The following FRMD4A variants were observed in gnomAD, a reference collection of about 807,000 sequenced individuals.
FRMD4A encodes FERM domain-containing protein 4A.
In FRMD4A, 29 loss-of-function variants were observed where a neutral mutation model predicts 129.1. That is an observed-to-expected ratio of 0.22 (90% CI 0.17 to 0.31). The LOEUF is 0.31. Ranked by LOEUF, FRMD4A falls within the 10% of genes least tolerant of loss-of-function variation. The pLI, the probability that FRMD4A is intolerant of heterozygous loss-of-function variation, is 1.00. For missense variants in FRMD4A, 1,272 were observed against 1,375.8 expected, an observed-to-expected ratio of 0.92 and a Z score of 1.19; for synonymous variants, 634 against 571.6, an observed-to-expected ratio of 1.11 and a Z score of -1.56.
Position 14,077,175 on chromosome 10 carries a change from G to T in FRMD4A, c.46-218263C>A, listed in dbSNP as rs190708478. Among the ~76,000 whole-genome samples the T allele has an allele frequency of 3.5e-4, 53 of 152,268 alleles. No individual in the cohort carries two copies. In the East Asian group the frequency reaches 9.6e-3, roughly 28 times the overall value. On this transcript the variant is annotated intron_variant, in intron 2 of 24. Transcript: ENST00000357447. ...GACAGCACCTGGGTAGGCACTGCAA[G>T]GGACTAAAGATGCTACTTGCAACCA...
intron 2 of FRMD4A, among the ~76,000 whole-genome samples, chr10:14,189,402 G>A (rs1245579143): frequency 6.6e-6 from 1 of 151,978 alleles, no homozygotes; most frequent in Non-Finnish European, 1.5e-5. Flanking sequence ...GATGAAACCT[G>A]GTCTCTACTA....
intron 2 of FRMD4A, among the ~76,000 whole-genome samples, chr10:14,071,607 A>G (rs1835323059): frequency 6.6e-6 from 1 of 152,164 alleles, no homozygotes; most frequent in East Asian, 1.9e-4. Context: ...GGAGATAAAG[A>G]GGTGGAGATG....
In FRMD4A at chr10:13,657,565, G is replaced by A. The variant is rs537201829; in HGVS notation, c.2067-43C>T. The A allele has an allele frequency of 4.1e-6, 6 of 1,479,504 alleles. No homozygotes were observed. In the African/African-American group the frequency reaches 8.3e-5, roughly 20 times the overall value. The allele number at this position is 1,479,504 out of a possible 1,614,324, so 91.6% of individuals were successfully genotyped here. ...GGGTTGGTCTGGGGGTGGGGAGTGG[G>A]CCCAAGGAGGGGTGCTCCGGGGAGG... On this transcript the variant is annotated intron_variant, in intron 21 of 24. Transcript: ENST00000357447.
At chr10:13,672,157 C>A (rs557269373) in intron 16 of FRMD4A, among the ~76,000 whole-genome samples, 1 of 152,330 alleles carries the variant, frequency 6.6e-6, no homozygotes, top group East Asian at 1.9e-4. Context: ...CTCCGTCACT[C>A]GCCTGCTTCT....
At chr10:14,292,456 C>T (rs902932237) in intron 2 of FRMD4A, among the ~76,000 whole-genome samples, 2 of 152,184 alleles carry the variant, frequency 1.3e-5, no homozygotes, top group African/African-American at 4.8e-5. Flanking sequence ...ATGGCATATC[C>T]TCCTCACATG....
At position 14,075,541 on chromosome 10, in the gene FRMD4A, A is replaced by G. The variant is rs563625003; in HGVS notation, c.46-216629T>C. 1.2e-3 allele frequency among the ~76,000 whole-genome samples: 182 copies of G among 152,332 alleles called. No homozygotes were observed. The South Asian group carries it at 0.015, about 12-fold the overall frequency. ...ACATATCATGTTGCTTCTCAAAACC[A>G]ACAGTGAAAAAGTATTCTTTAGCCT... On this transcript the variant is annotated intron_variant, in intron 2 of 24. Transcript: ENST00000357447.
intron 2 of FRMD4A, among the ~76,000 whole-genome samples, chr10:13,903,747 G>C (rs751914590): frequency 4.6e-5 from 7 of 152,026 alleles, no homozygotes; most frequent in Non-Finnish European, 7.4e-5. Flanking sequence ...GGGCGTGGTG[G>C]TGACATGTGC....
intron 23 of FRMD4A, chr10:13,652,231 TTATGCCAAGAACCAAAA>T: frequency 1.9e-6 from 1 of 528,276 alleles, no homozygotes; most frequent in South Asian, 2.4e-5. Context: ...AGCAAACAGT[TTATGCCAAGAACCAAAA>T]TTGCTGTTTT....
intron 4 of FRMD4A, among the ~76,000 whole-genome samples, chr10:13,801,751 A>G (rs972058214): frequency 6.6e-6 from 1 of 152,136 alleles, no homozygotes; most frequent in Non-Finnish European, 1.5e-5. Context: ...CACTTCCTGT[A>G]CTCTACAGGG....
chr10:13,890,950 A>G (rs2094688399), intron 2 of FRMD4A: 5 of 737,220 alleles, frequency 6.8e-6, no homozygotes, highest in African/African-American at 5.7e-5. Flanking sequence ...AAAGGCACCA[A>G]GTCGCTCGTT....
intron 2 of FRMD4A, among the ~76,000 whole-genome samples, chr10:14,197,066 C>G (rs1409751): frequency 0.25 from 37,571 of 152,000 alleles, 4,889 homozygotes; most frequent in Admixed American, 0.3. Context: ...AGAAACATCC[C>G]GATGGATATT....
intron 2 of FRMD4A, among the ~76,000 whole-genome samples, chr10:14,282,521 T>C (rs1845555133): frequency 6.6e-6 from 1 of 152,060 alleles, no homozygotes; most frequent in African/African-American, 2.4e-5. Context: ...GTAGGAGGGA[T>C]GGGGAAACTA....
At chr10:14,195,484 C>T (rs1011403844) in intron 2 of FRMD4A, among the ~76,000 whole-genome samples, 2 of 151,798 alleles carry the variant, frequency 1.3e-5, no homozygotes, top group African/African-American at 4.8e-5. Context: ...ACTCGGGCTG[C>T]AGTTAGAGAC....
At chr10:14,241,771 A>T (rs1447382163) in intron 2 of FRMD4A, among the ~76,000 whole-genome samples, 2 of 151,526 alleles carry the variant, frequency 1.3e-5, no homozygotes, top group African/African-American at 4.8e-5. Context: ...GACATTACAA[A>T]CATAAAATGA....
chr10:14,251,525 C>A (rs1247892080), intron 2 of FRMD4A, among the ~76,000 whole-genome samples: 1 of 152,150 alleles, frequency 6.6e-6, no homozygotes. Flanking sequence ...TAAGCTGCAC[C>A]CAATTTCCCA....
At chr10:13,666,024 T>C in intron 18 of FRMD4A, 73 bp downstream of exon 18, 1 of 842,934 alleles carries the variant, frequency 1.2e-6, no homozygotes, top group African/African-American at 1.7e-5. Flanking sequence ...CAGGGACCAC[T>C]CGTGGGACCT....
At chr10:14,084,649 A>ACCTGCCTCCTTTATCAGGGT (rs1484494817) in intron 2 of FRMD4A, among the ~76,000 whole-genome samples, 1 of 152,094 alleles carries the variant, frequency 6.6e-6, no homozygotes, top group Non-Finnish European at 1.5e-5. Context: ...TCATACTCCT[A>ACCTGCCTCCTTTATCAGGGT]CCTGCCTCCT....
intron 3 of FRMD4A, among the ~76,000 whole-genome samples, chr10:13,845,792 C>T (rs982261910): frequency 6.6e-5 from 10 of 152,278 alleles, no homozygotes; most frequent in South Asian, 2.1e-4. Flanking sequence ...CAGTGTTCTC[C>T]GTTTACAGAT....
intron 2 of FRMD4A, among the ~76,000 whole-genome samples, chr10:13,861,118 G>A (rs1353719610): frequency 6.6e-6 from 1 of 152,214 alleles, no homozygotes; most frequent in African/African-American, 2.4e-5. Flanking sequence ...CCACCCAGTG[G>A]CCAGCCACCC....
Sources: gnomAD v4.1 joint callset for allele counts (sites outside exome capture counted in the v4.1 genomes callset) on GRCh38, gnomAD v4.1.1 for gene constraint, MANE v1.5 for transcripts, NCBI Gene and HGNC (gene_info 2026-07-23, HGNC 2026-07-21) for gene names.